Variants in SDK1 observed in about 807,000 individuals in gnomAD.
The protein encoded by SDK1 is sidekick cell adhesion molecule 1.
In SDK1, 157 loss-of-function variants were observed where a neutral mutation model predicts 245.5. That is an observed-to-expected ratio of 0.64 (90% confidence interval 0.56 to 0.73). SDK1 has a LOEUF of 0.73. Ranked by LOEUF, SDK1 falls within the 30% of genes least tolerant of loss-of-function variation. SDK1 has a pLI of 0.00. For synonymous variants in SDK1, 1,647 were observed against 1,278.5 expected, an observed-to-expected ratio of 1.29 and a Z score of -6.15; for missense variants, 3,583 against 3,002.3, an observed-to-expected ratio of 1.19 and a Z score of -4.52.
chr7:3,643,675 G>A (rs1782726744), intron 4 of SDK1: 1 of 131,888 alleles, frequency 7.6e-6, no homozygotes. Flanking sequence ...GAGCATCTGT[G>A]GAATCCCTTC....
At chr7:4,051,504 T>G (rs2128166709) in intron 18 of SDK1, 134 bp from the exon 19 acceptor site, 1 of 724,468 alleles carries the variant, frequency 1.4e-6, no homozygotes, top group African/African-American at 1.8e-5. Flanking sequence ...AGCGTGATTA[T>G]AAAATGCAGG....
intron 13 of SDK1, among the ~76,000 whole-genome samples, chr7:3,984,248 C>G (rs1340139334): frequency 6.6e-6 from 1 of 152,012 alleles, no homozygotes; most frequent in Non-Finnish European, 1.5e-5. Flanking sequence ...TGAGAGCTGA[C>G]CCCTGGAGGA....
At chr7:3,834,684 G>A (rs1032630323) in intron 5 of SDK1, among the ~76,000 whole-genome samples, 2 of 152,152 alleles carry the variant, frequency 1.3e-5, no homozygotes, top group African/African-American at 4.8e-5. Flanking sequence ...CATTCCAAGA[G>A]AATCCTTATT....
chr7:3,591,274 G>A lies in SDK1; in HGVS notation c.299-27806G>A, dbSNP rs955378649. 7.2e-5 allele frequency among the ~76,000 whole-genome samples: 11 copies of A among 152,292 alleles called. No individual in the cohort carries two copies. The East Asian group carries it at 1.9e-3, about 27-fold the overall frequency. On this transcript the variant is annotated intron_variant, in intron 1 of 44. Coordinates refer to ENST00000404826, the MANE Select transcript of SDK1 (RefSeq NM_152744.4). ...CTTTTGCAGTGTCATAATACTGAGT[G>A]CCAGGACCTAAGTTTTTGAAACCTC...
intron 1 of SDK1, among the ~76,000 whole-genome samples, chr7:3,554,400 C>T (rs1019575693): frequency 6.7e-6 from 1 of 149,314 alleles, no homozygotes; most frequent in Non-Finnish European, 1.5e-5. Flanking sequence ...AAACTGAAAG[C>T]AAAAACAGAA....
chr7:4,152,743 T>C (rs757271819), intron 30 of SDK1, among the ~76,000 whole-genome samples: 1 of 152,238 alleles, frequency 6.6e-6, no homozygotes, highest in Non-Finnish European at 1.5e-5. Flanking sequence ...CCCTTCCTGT[T>C]TAATAATCCT....
chr7:4,239,583 C>T (rs1052986413), intron 42 of SDK1, among the ~76,000 whole-genome samples: 3 of 152,266 alleles, frequency 2.0e-5, no homozygotes, highest in East Asian at 1.9e-4. Flanking sequence ...AGGCTGGTCT[C>T]GAACTCCAGG....
chr7:3,855,557 A>T (rs555545169), intron 5 of SDK1, among the ~76,000 whole-genome samples: 3 of 152,154 alleles, frequency 2.0e-5, no homozygotes, highest in Non-Finnish European at 4.4e-5. Context: ...AGGAGAAATA[A>T]TGTATGTAAA....
Position 3,788,326 on chromosome 7 carries a change from G to A in SDK1, c.714-33124G>A, listed in dbSNP as rs553117475. ...CTCCATCGCCCATAACAGGGTGTGC[G>A]GTCAGTGTGTGAAACTCCACAAGGA... On this transcript the variant is annotated intron_variant, in intron 4 of 44. Transcript: ENST00000404826. Among the ~76,000 whole-genome samples the A allele has an allele frequency of 3.9e-5, 6 of 152,222 alleles. No homozygotes were observed. In the South Asian group the frequency reaches 1.2e-3, roughly 32 times the overall value.
intron 30 of SDK1, 85 bp from the exon 31 acceptor site, chr7:4,158,363 C>T: frequency 9.0e-7 from 1 of 1,114,178 alleles, no homozygotes; most frequent in Non-Finnish European, 1.3e-6. Flanking sequence ...GGGATTTGCC[C>T]CTCTTCCCAG....
At chr7:3,576,771 C>A (rs189529886) in intron 1 of SDK1, among the ~76,000 whole-genome samples, 6 of 151,932 alleles carry the variant, frequency 3.9e-5, no homozygotes, top group Admixed American at 3.9e-4. Flanking sequence ...GGAGCTTCAG[C>A]ATTTTGTTCC....
At chr7:3,865,697 T>A (rs1360403515) in intron 5 of SDK1, among the ~76,000 whole-genome samples, 4 of 151,484 alleles carry the variant, frequency 2.6e-5, no homozygotes, top group Admixed American at 6.6e-5. Context: ...TTTTTTTTTT[T>A]AGAAATGAGG....
rs537479442 is a variant in SDK1, at chr7:3,943,480, T to C, written c.848-7443T>C. ...CTGGAAAGCTGTGTGCCCAGCTGCC[T>C]ACAGGGCTGCTTCCTTTCCTCTCCT... On this transcript the variant is annotated intron_variant, in intron 5 of 44. Coordinates refer to ENST00000404826, the MANE Select transcript of SDK1 (RefSeq NM_152744.4). 2.7e-5 allele frequency among the ~76,000 whole-genome samples: 4 copies of C among 149,184 alleles called. No homozygotes were observed. In the South Asian group the frequency reaches 8.8e-4, roughly 33 times the overall value.
rs199601536 is a variant in SDK1 at position 3,951,725 on chromosome 7, C to T, written c.960-5C>T. The T allele has an allele frequency of 1.2e-5, 20 of 1,612,210 alleles. No homozygotes were observed. The highest frequency in any genetic ancestry group is 1.5e-5 in the Non-Finnish European group (18 of 1,179,786). On this transcript the variant is annotated splice_region_variant and splice_polypyrimidine_tract_variant and intron_variant, in intron 6 of 44. Transcript: ENST00000404826. ...CGTCGTCATGAATGCCTTTCATTCC[C>T]ACAGGCCTGTGGAGGACCTGAGTGT... is the stretch of plus-strand genomic sequence containing the variant.
At position 3,675,015 on chromosome 7, in the gene SDK1, G is replaced by T. The variant is rs142449724; in HGVS notation, c.713+32910G>T. On this transcript the variant is annotated intron_variant, in intron 4 of 44. Transcript: ENST00000404826. Reference sequence around the variant, plus strand: ...GTGTGGGCCATATAAAAACAAGCCTGCATCAAATTCTGTACATGGGTTAGA... The same window carrying T: ...GTGTGGGCCATATAAAAACAAGCCTTCATCAAATTCTGTACATGGGTTAGA... Among the ~76,000 whole-genome samples, 10 of 152,256 alleles carry T rather than the reference G, an allele frequency of 6.6e-5. No individual in the cohort carries two copies. The South Asian group carries it at 1.9e-3, about 28-fold the overall frequency.
chr7:3,467,840 T>G (rs1335730247), intron 1 of SDK1, among the ~76,000 whole-genome samples: 1 of 152,180 alleles, frequency 6.6e-6, no homozygotes, highest in African/African-American at 2.4e-5. Context: ...AGCATTAGAC[T>G]TTATTAGCTT....
At position 4,093,779 on chromosome 7, in the gene SDK1, T is replaced by C. The variant is rs183380200; in HGVS notation, c.3324+14195T>C. Among the ~76,000 whole-genome samples the C allele has an allele frequency of 2.6e-5, 4 of 152,312 alleles. No individual in the cohort carries two copies. In the East Asian group the frequency reaches 7.7e-4, roughly 29 times the overall value. On this transcript the variant is annotated intron_variant, in intron 22 of 44. Coordinates refer to ENST00000404826, the MANE Select transcript of SDK1 (RefSeq NM_152744.4). ...GCACACGCTGTGCCGAGGGACCGGA[T>C]CCTGGGCTGATGGATGGGAGGCCAC...
intron 1 of SDK1, among the ~76,000 whole-genome samples, chr7:3,433,582 C>T (rs1327727951): frequency 1.3e-5 from 2 of 152,132 alleles, no homozygotes; most frequent in Non-Finnish European, 2.9e-5. Flanking sequence ...AATTTTCTAG[C>T]ACAATGACTA....
chr7:3,717,990 C>G (rs1354850449), intron 4 of SDK1, among the ~76,000 whole-genome samples: 1 of 151,760 alleles, frequency 6.6e-6, no homozygotes, highest in African/African-American at 2.4e-5. Flanking sequence ...ACCTTTATGT[C>G]TCATGAATAT....
Sources: allele counts gnomAD v4.1 joint callset (sites outside exome capture counted in the v4.1 genomes callset), GRCh38; gene constraint gnomAD v4.1.1; transcripts MANE v1.5; gene names NCBI Gene and HGNC (gene_info 2026-07-23, HGNC 2026-07-21).